FMO4: variants seen among roughly 807,000 people sequenced by gnomAD.
The protein encoded by FMO4 is flavin containing dimethylaniline monoxygenase 4.
A neutral mutation model predicts 43.3 loss-of-function variants in FMO4; 38 were observed. That is an observed-to-expected ratio of 0.88 (90% CI 0.68 to 1.15). The LOEUF is 1.15. Among genes scored for constraint, FMO4 ranks in the 50% most tolerant of loss-of-function variants. FMO4 has a pLI of 0.00. For missense variants in FMO4, 631 were observed against 663.3 expected (o/e 0.95, Z 0.54); for synonymous variants, 224 against 232.2 (o/e 0.96, Z 0.32).
chr1:171,332,039 A>G (rs1662923044), intron 6 of FMO4, among the ~76,000 whole-genome samples: 1 of 152,112 alleles, frequency 6.6e-6, no homozygotes, highest in Non-Finnish European at 1.5e-5. Context: ...ACCTCTAAGC[A>G]TTTTTCAGGA....
intron 5 of FMO4, among the ~76,000 whole-genome samples, chr1:171,329,960 G>C (rs1285371755): frequency 6.6e-6 from 1 of 152,174 alleles, no homozygotes; most frequent in African/African-American, 2.4e-5. Context: ...AGGATGTTCA[G>C]CGTAGTGTAT....
In FMO4 at chr1:171,314,377, T is replaced by C. The variant is rs1662114996; in HGVS notation, c.-187T>C. On this transcript the variant is annotated 5_prime_UTR_variant, in exon 1 of 10. Transcript: ENST00000367749. ...AAACACTTTCCTTGACTTTGAGAAA[T>C]AATTTAAGTCAAAGAATCTGCTCTA... 1 of 151,946 alleles carries C rather than the reference T, an allele frequency of 6.6e-6. No individual in the cohort carries two copies. The highest frequency in any genetic ancestry group is 2.1e-4 in the South Asian group (1 of 4,810). The allele number at this position is 151,946 out of a possible 1,614,324, so 9.4% of individuals were successfully genotyped here. A position where few individuals can be genotyped will look rare whatever the true frequency, so the allele number is the denominator to read the frequency against.
At position 171,337,439 on chromosome 1, in the gene FMO4, C is replaced by A. The variant is rs1558044131; in HGVS notation, c.1250+14C>A. The A allele has an allele frequency of 6.3e-7, 1 of 1,578,284 alleles. No individual in the cohort carries two copies. The highest frequency in any genetic ancestry group is 1.1e-5 in the South Asian group (1 of 90,370). On this transcript the variant is annotated intron_variant, in intron 9 of 9. Coordinates refer to ENST00000367749, the MANE Select transcript of FMO4 (RefSeq NM_002022.3). ...GCTCATTAAAAGGTATGAAATGTAG[C>A]TTGCTCTAGGGCAAACTTACAGTAT... is the stretch of plus-strand genomic sequence containing the variant.
At chr1:171,315,870 G>A (rs1306838077) in intron 1 of FMO4, among the ~76,000 whole-genome samples, 1 of 152,136 alleles carries the variant, frequency 6.6e-6, no homozygotes, top group Non-Finnish European at 1.5e-5. Context: ...TAATAAACAG[G>A]CCAGGAGAGT....
At chr1:171,326,367 T>A (rs572439597) in intron 5 of FMO4, among the ~76,000 whole-genome samples, 2 of 152,206 alleles carry the variant, frequency 1.3e-5, no homozygotes, top group South Asian at 4.1e-4. Flanking sequence ...CATACCCTTT[T>A]TAAAAATCTA....
chr1:171,329,435 G>A (rs994348958), intron 5 of FMO4, among the ~76,000 whole-genome samples: 1 of 152,122 alleles, frequency 6.6e-6, no homozygotes, highest in Non-Finnish European at 1.5e-5. Context: ...TGTTCAAATT[G>A]CCACCTTGGG....
chr1:171,314,228 CA>C lies in FMO4; in HGVS notation c.-335del, dbSNP rs1376113905. ...TCTGTATACTTTCTGCTGTCACTAG[CA>C]TAACAGAAAAGACGAATGGCTTTTG... On this transcript the variant is annotated 5_prime_UTR_variant, in exon 1 of 10. Coordinates refer to ENST00000367749, the MANE Select transcript of FMO4 (RefSeq NM_002022.3). The C allele has an allele frequency of 6.6e-6, 1 of 152,060 alleles. No homozygotes were observed. Among genetic ancestry groups the C allele is most frequent in the African/African-American group, 2.4e-5 (1 of 41,402 alleles). The allele number at this position is 152,060 out of a possible 1,614,324, so 9.4% of individuals were successfully genotyped here. A position where few individuals can be genotyped will look rare whatever the true frequency, so the allele number is the denominator to read the frequency against.
At chr1:171,337,167 T>C (rs1306244242) in intron 8 of FMO4, among the ~76,000 whole-genome samples, 189 bp from the exon 9 acceptor site, 1 of 152,172 alleles carries the variant, frequency 6.6e-6, no homozygotes, top group East Asian at 1.9e-4. Context: ...TAGAGTACCC[T>C]GGTTAAGTGA....
chr1:171,339,862 T>G (rs1663292511), intron 9 of FMO4, among the ~76,000 whole-genome samples: 1 of 152,148 alleles, frequency 6.6e-6, no homozygotes, highest in Admixed American at 6.6e-5. Context: ...TGTGCCTTGG[T>G]GCAAGAAGTG....
At chr1:171,333,138 GA>G in intron 7 of FMO4, 1 of 365,672 alleles carries the variant, frequency 2.7e-6, no homozygotes, top group Non-Finnish European at 4.9e-6. Context: ...AATAAAAGAT[GA>G]AAACTTCCAT....
At position 171,325,314 on chromosome 1, in the gene FMO4, G is replaced by A. The variant is rs45561937; in HGVS notation, c.484+1014G>A. ...CCAAAAGCTATTCAAATTCAGTTGAGGGAAATAAAATTAATCAATTGAGGA... is the reference window on the plus strand; with the variant it reads ...CCAAAAGCTATTCAAATTCAGTTGAAGGAAATAAAATTAATCAATTGAGGA... On this transcript the variant is annotated intron_variant, in intron 5 of 9. Coordinates refer to ENST00000367749, the MANE Select transcript of FMO4 (RefSeq NM_002022.3). Among the ~76,000 whole-genome samples the A allele has an allele frequency of 1.1e-3, 172 of 152,198 alleles. 3 individuals are homozygous for A. The East Asian group carries it at 0.031, about 28-fold the overall frequency.
In FMO4 at chr1:171,341,597, T is replaced by C. The variant is rs1425283648; in HGVS notation, c.1435T>C (p.Trp479Arg). 6.2e-7 allele frequency: 1 copy of C among 1,613,978 alleles called. No individual in the cohort carries two copies. The highest frequency in any genetic ancestry group is 1.3e-5 in the African/African-American group (1 of 74,992). Reference protein sequence around the residue: ...YQYRLMGPGKWDGARNAILTQ... With the variant: ...YQYRLMGPGKRDGARNAILTQ... Reference sequence around the variant, plus strand: ...GTACCGCCTCATGGGCCCTGGAAAATGGGATGGAGCCAGAAATGCCATCCT... The same window carrying C: ...GTACCGCCTCATGGGCCCTGGAAAACGGGATGGAGCCAGAAATGCCATCCT... Residue 479 changes from tryptophan (W) to arginine (R), a missense_variant, in exon 10 of 10, where the codon TGG (tryptophan) becomes CGG (arginine). Coordinates refer to ENST00000367749, the MANE Select transcript of FMO4 (RefSeq NM_002022.3).
intron 3 of FMO4, among the ~76,000 whole-genome samples, chr1:171,320,670 A>G (rs1662379923): frequency 6.6e-6 from 1 of 152,128 alleles, no homozygotes; most frequent in South Asian, 2.1e-4. Context: ...GGACTGAGGG[A>G]TCTGCCCCAG....
At chr1:171,320,054 G>T in intron 3 of FMO4, 97 bp downstream of exon 3, 1 of 1,312,058 alleles carries the variant, frequency 7.6e-7, no homozygotes, top group Non-Finnish European at 1.1e-6. Context: ...AAGTAAGGGA[G>T]TGGCTTACTG....
At chr1:171,330,741 G>C (rs192852436) in intron 5 of FMO4, among the ~76,000 whole-genome samples, 2 of 152,150 alleles carry the variant, frequency 1.3e-5, no homozygotes, top group Non-Finnish European at 2.9e-5. Context: ...TTCAAGATTT[G>C]GGTGGGGACA....
intron 2 of FMO4, 68 bp from the exon 3 acceptor site, chr1:171,319,750 G>C: frequency 6.9e-7 from 1 of 1,451,158 alleles, no homozygotes; most frequent in Non-Finnish European, 9.5e-7. Context: ...CAAAAATTGA[G>C]TCTTTTGACA....
At position 171,341,523 on chromosome 1, in the gene FMO4, A is replaced by T. The variant is rs780188433; in HGVS notation, c.1361A>T (p.Asp454Val). The T allele has an allele frequency of 6.8e-6, 11 of 1,613,886 alleles. No homozygotes were observed. Among genetic ancestry groups the T allele is most frequent in the Admixed American group, 1.7e-5 (1 of 59,964 alleles). The change falls in exon 10 of 10, where the codon GAT (aspartate) becomes GTT (valine). Residue 454 changes from aspartate (D) to valine (V), a missense_variant. Physicochemically the swap from Asp to Val is radical, Grantham distance 152. Coordinates refer to ENST00000367749, the MANE Select transcript of FMO4 (RefSeq NM_002022.3). ...KPSIPLLFLK[D>V]PRLAWEVFFG... ...AGCATCCCACTTCTGTTCCTCAAGG[A>T]TCCCAGACTAGCTTGGGAAGTTTTC... is the stretch of plus-strand genomic sequence containing the variant.
At chr1:171,314,634 G>C (rs1330219780) in intron 1 of FMO4, among the ~76,000 whole-genome samples, 2 of 152,094 alleles carry the variant, frequency 1.3e-5, no homozygotes, top group African/African-American at 4.8e-5. Flanking sequence ...CCATCCAAAA[G>C]GAAAGTGTCA....
chr1:171,341,748 T>G lies in FMO4; in HGVS notation c.1586T>G (p.Leu529Arg). ...GAPVLLASLLLICKSSLFLKL... is the reference protein window; with the variant it reads ...GAPVLLASLLRICKSSLFLKL... ...CCTGTCCTACTTGCCTCTCTTCTAC[T>G]TATCTGTAAATCTTCACTTTTCTTG... is the stretch of plus-strand genomic sequence containing the variant. Residue 529 changes from leucine to arginine, a missense_variant, in exon 10 of 10, where the codon CTT (leucine) becomes CGT (arginine). Leu to Arg is a moderately radical substitution (Grantham distance 102, BLOSUM62 -2). Coordinates refer to ENST00000367749, the MANE Select transcript of FMO4 (RefSeq NM_002022.3). The G allele has an allele frequency of 6.2e-7, 1 of 1,613,812 alleles. No individual in the cohort carries two copies. Among genetic ancestry groups the G allele is most frequent in the Non-Finnish European group, 8.5e-7 (1 of 1,179,878 alleles).
Sources: allele counts gnomAD v4.1 joint callset (sites outside exome capture counted in the v4.1 genomes callset), GRCh38; gene constraint gnomAD v4.1.1; transcripts MANE v1.5; gene names NCBI Gene and HGNC (gene_info 2026-07-23, HGNC 2026-07-21).